Variants in IL1RAPL2 observed in about 807,000 individuals in gnomAD.
IL1RAPL2 encodes the protein X-linked interleukin-1 receptor accessory protein-like 2.
A neutral mutation model predicts 44.1 loss-of-function variants in IL1RAPL2; 3 were observed. The ratio of observed to expected loss-of-function variants is 0.07; its 90% confidence interval spans 0.03 to 0.18. The LOEUF is 0.18. Ranked by LOEUF, IL1RAPL2 falls within the 10% of genes least tolerant of loss-of-function variation. The pLI, the probability that IL1RAPL2 is intolerant of heterozygous loss-of-function variation, is 1.00. For synonymous variants in IL1RAPL2, 181 were observed against 178.8 expected, an observed-to-expected ratio of 1.01 and a Z score of -0.10; for missense variants, 391 against 496.4, an observed-to-expected ratio of 0.79 and a Z score of 2.02.
chrX:104,818,236 C>T (rs762497682), intron 2 of IL1RAPL2, among the ~76,000 whole-genome samples: 2 of 101,640 alleles, frequency 2.0e-5, no homozygotes, highest in African/African-American at 7.4e-5. Flanking sequence ...CCCAGCTACT[C>T]GGGAGGCTGA....
At chrX:105,748,675 A>G (rs2038570175) in intron 8 of IL1RAPL2, among the ~76,000 whole-genome samples, 1 of 112,417 alleles carries the variant, frequency 8.9e-6, no homozygotes, top group Non-Finnish European at 1.9e-5. Context: ...CATTTAGAGC[A>G]AAAGCATATA....
intron 6 of IL1RAPL2, among the ~76,000 whole-genome samples, chrX:105,578,038 C>G (rs1333267063): frequency 1.2e-5 from 1 of 80,954 alleles, no homozygotes; most frequent in Non-Finnish European, 2.3e-5. Context: ...CCCCTCCCCC[C>G]ACCCCACAAC....
intron 2 of IL1RAPL2, among the ~76,000 whole-genome samples, chrX:105,080,336 G>A (rs1289993163): frequency 8.9e-6 from 1 of 111,751 alleles, no homozygotes; most frequent in Non-Finnish European, 1.9e-5. Flanking sequence ...TTTCTTCTAG[G>A]GTATTTATGG....
chrX:104,729,134 GA>G (rs1931853180), intron 2 of IL1RAPL2, among the ~76,000 whole-genome samples: 1 of 110,627 alleles, frequency 9.0e-6, no homozygotes, highest in Non-Finnish European at 1.9e-5. Context: ...TATGAAGCAG[GA>G]AGGAGAAAAA....
intron 2 of IL1RAPL2, among the ~76,000 whole-genome samples, chrX:104,815,668 G>T (rs924615720): frequency 9.0e-6 from 1 of 111,587 alleles, no homozygotes; most frequent in African/African-American, 3.3e-5. Context: ...AGTTGATACT[G>T]TTTAGTTCTG....
intron 2 of IL1RAPL2, among the ~76,000 whole-genome samples, chrX:104,971,143 T>C (rs1011254952): frequency 9.1e-6 from 1 of 110,262 alleles, no homozygotes; most frequent in Non-Finnish European, 1.9e-5. Flanking sequence ...AGGTCAGGAG[T>C]TCGAGACCAG....
At chrX:105,726,023 T>C (rs1244819763) in intron 7 of IL1RAPL2, among the ~76,000 whole-genome samples, 1 of 111,383 alleles carries the variant, frequency 9.0e-6, no homozygotes, top group African/African-American at 3.3e-5. Context: ...CCTTGATCTA[T>C]GCATAAAATA....
chrX:105,679,991 ATTTC>A (rs904873887), intron 6 of IL1RAPL2, among the ~76,000 whole-genome samples: 1 of 110,527 alleles, frequency 9.0e-6, no homozygotes, highest in African/African-American at 3.3e-5. Flanking sequence ...ATGTGGGTGA[ATTTC>A]TTTCTTTCTT....
At chrX:104,921,345 G>T (rs775582142) in intron 2 of IL1RAPL2, among the ~76,000 whole-genome samples, 3 of 107,547 alleles carry the variant, frequency 2.8e-5, no homozygotes, top group Non-Finnish European at 5.7e-5. Flanking sequence ...GCCCAAGACA[G>T]GTCCCACTGC....
chrX:105,437,138 T>C (rs1487666173), intron 5 of IL1RAPL2, among the ~76,000 whole-genome samples: 1 of 108,993 alleles, frequency 9.2e-6, no homozygotes, highest in African/African-American at 3.3e-5. Context: ...AATTCATTTG[T>C]AAATTATAGT....
intron 2 of IL1RAPL2, among the ~76,000 whole-genome samples, chrX:104,677,365 G>T (rs998064594): frequency 9.1e-6 from 1 of 109,782 alleles, no homozygotes; most frequent in Non-Finnish European, 1.9e-5. Flanking sequence ...CGTGTGAGGT[G>T]TCACTGTGCC....
At chrX:104,582,504 CTCTCTCTCTT>C (rs1410033931) in intron 1 of IL1RAPL2, among the ~76,000 whole-genome samples, 56 of 110,163 alleles carry the variant, frequency 5.1e-4, no homozygotes, top group African/African-American at 1.8e-3. Context: ...TTCTCTCTCT[CTCTCTCTCTT>C]TCTTTCTTTT....
chrX:105,510,170 C>T (rs181020059), intron 6 of IL1RAPL2, among the ~76,000 whole-genome samples: 3 of 110,658 alleles, frequency 2.7e-5, no homozygotes, highest in Non-Finnish European at 5.7e-5. Flanking sequence ...GAGACCCTGT[C>T]TCTAAAAAAA....
intron 5 of IL1RAPL2, among the ~76,000 whole-genome samples, chrX:105,421,787 T>G (rs1309543381): frequency 8.9e-6 from 1 of 111,888 alleles, no homozygotes; most frequent in Non-Finnish European, 1.9e-5. Context: ...GTTTAAGTTG[T>G]CTAGCTTCAG....
At chrX:105,091,869 G>A (rs949616309) in intron 2 of IL1RAPL2, among the ~76,000 whole-genome samples, 10 of 111,276 alleles carry the variant, frequency 9.0e-5, no homozygotes, top group Non-Finnish European at 1.1e-4. Flanking sequence ...AGTAAGTCAC[G>A]ACTGCTCTAG....
intron 2 of IL1RAPL2, among the ~76,000 whole-genome samples, chrX:104,908,309 A>G (rs912434763): frequency 9.0e-6 from 1 of 111,270 alleles, no homozygotes; most frequent in African/African-American, 3.3e-5. Flanking sequence ...TTACATTTAA[A>G]GTTAATATTG....
intron 2 of IL1RAPL2, among the ~76,000 whole-genome samples, chrX:104,760,140 T>C (rs1390473768): frequency 2.7e-5 from 3 of 112,322 alleles, no homozygotes; most frequent in African/African-American, 9.7e-5. Context: ...TCTTTTTATA[T>C]TCCATTGTGT....
intron 2 of IL1RAPL2, among the ~76,000 whole-genome samples, chrX:104,863,281 A>G (rs1225575228): frequency 3.6e-5 from 4 of 111,808 alleles, no homozygotes; most frequent in Non-Finnish European, 7.5e-5. Context: ...AGATCCAGCC[A>G]GTTGATAAAT....
chrX:104,644,322 A>G (rs1335495743), intron 1 of IL1RAPL2, among the ~76,000 whole-genome samples: 1 of 111,627 alleles, frequency 9.0e-6, no homozygotes, highest in Non-Finnish European at 1.9e-5. Flanking sequence ...CTACTTAACT[A>G]TTGAGAAGAT....
Sources: gnomAD v4.1 joint callset for allele counts (sites outside exome capture counted in the v4.1 genomes callset) on GRCh38, gnomAD v4.1.1 for gene constraint, MANE v1.5 for transcripts, NCBI Gene and HGNC (gene_info 2026-07-23, HGNC 2026-07-21) for gene names.